ROBO1: variants seen among roughly 807,000 people sequenced by gnomAD.
The protein encoded by ROBO1 is roundabout homolog 1.
In ROBO1, 149 loss-of-function variants were observed where a neutral mutation model predicts 195.9. That is an observed-to-expected ratio of 0.76 (90% confidence interval 0.67 to 0.87). ROBO1 has a LOEUF of 0.87. Among genes scored for constraint, ROBO1 ranks in the 40% least tolerant of loss-of-function variants. The pLI is 0.00. For missense variants in ROBO1, 1,933 were observed against 2,068.3 expected (o/e 0.93, Z 1.27); for synonymous variants, 816 against 733.2 (o/e 1.11, Z -1.82).
At chr3:78,734,708 G>A (rs1463712654) in intron 5 of ROBO1, among the ~76,000 whole-genome samples, 9 of 151,872 alleles carry the variant, frequency 5.9e-5, no homozygotes, top group Admixed American at 5.9e-4. Context: ...ATGTCAACAT[G>A]GCATGATATC....
chr3:78,945,652 G>A (rs982621494), intron 3 of ROBO1, among the ~76,000 whole-genome samples: 2 of 152,116 alleles, frequency 1.3e-5, no homozygotes, highest in Non-Finnish European at 2.9e-5. Context: ...ACCAGCAACG[G>A]AACAAAACTG....
At chr3:79,147,082 T>C (rs1017419412) in intron 2 of ROBO1, among the ~76,000 whole-genome samples, 1 of 151,980 alleles carries the variant, frequency 6.6e-6, no homozygotes, top group Non-Finnish European at 1.5e-5. Context: ...ATAACATAAA[T>C]GTTCTGAATT....
chr3:79,483,307 A>G (rs958242454), intron 2 of ROBO1, among the ~76,000 whole-genome samples: 2 of 152,198 alleles, frequency 1.3e-5, no homozygotes, highest in Non-Finnish European at 2.9e-5. Flanking sequence ...GTGAAAGGAA[A>G]GTGTTAGAGT....
At chr3:79,579,892 G>A (rs1338239249) in intron 2 of ROBO1, among the ~76,000 whole-genome samples, 2 of 152,108 alleles carry the variant, frequency 1.3e-5, no homozygotes, top group Admixed American at 6.6e-5. Context: ...ATGGACAAGG[G>A]CAGCAGCACA....
intron 2 of ROBO1, among the ~76,000 whole-genome samples, chr3:79,428,390 T>C (rs1321832831): frequency 1.3e-5 from 2 of 152,136 alleles, no homozygotes; most frequent in African/African-American, 2.4e-5. Flanking sequence ...ATTAAAAATA[T>C]GTTGAGTGCT....
chr3:79,324,240 T>G (rs563681433), intron 2 of ROBO1, among the ~76,000 whole-genome samples: 7 of 152,264 alleles, frequency 4.6e-5, no homozygotes, highest in African/African-American at 1.4e-4. Context: ...TGTGGAGAGT[T>G]TGGTAACTGA....
intron 4 of ROBO1, among the ~76,000 whole-genome samples, chr3:78,794,141 T>C (rs182508523): frequency 4.2e-4 from 64 of 152,300 alleles, no homozygotes; most frequent in Admixed American, 7.8e-4. Flanking sequence ...GCTAAGAGCA[T>C]GGATTTTGAA....
intron 2 of ROBO1, among the ~76,000 whole-genome samples, chr3:79,412,249 C>A (rs1333422803): frequency 2.0e-5 from 3 of 152,122 alleles, no homozygotes; most frequent in African/African-American, 7.2e-5. Flanking sequence ...TAATAGCTTC[C>A]TTGGTACATA....
chr3:79,368,579 T>C (rs1232318554), intron 2 of ROBO1, among the ~76,000 whole-genome samples: 3 of 152,030 alleles, frequency 2.0e-5, no homozygotes, highest in African/African-American at 7.2e-5. Flanking sequence ...GGTGTGAGGC[T>C]ATTATGCCTG....
intron 16 of ROBO1, 111 bp from the exon 17 acceptor site, chr3:78,659,918 CTT>C (rs76880412): frequency 2.5e-3 from 998 of 404,004 alleles, no homozygotes; most frequent in East Asian, 3.7e-3. Flanking sequence ...TCAATATATG[CTT>C]TTTTTTTTTT....
At chr3:79,687,248 T>C (rs1212267683) in intron 1 of ROBO1, among the ~76,000 whole-genome samples, 2 of 147,174 alleles carry the variant, frequency 1.4e-5, no homozygotes, top group Non-Finnish European at 3.0e-5. Context: ...ATGTTAGACC[T>C]AAAACCATAA....
intron 28 of ROBO1, among the ~76,000 whole-genome samples, chr3:78,611,478 G>A (rs1481193766): frequency 6.6e-6 from 1 of 152,142 alleles, no homozygotes; most frequent in Non-Finnish European, 1.5e-5. Flanking sequence ...CTTTATCTGG[G>A]TTCAACTTGT....
At chr3:78,697,874 A>C (rs1010164350) in intron 8 of ROBO1, among the ~76,000 whole-genome samples, 8 of 152,176 alleles carry the variant, frequency 5.3e-5, no homozygotes, top group Non-Finnish European at 1.0e-4. Context: ...TGTAAAGCGA[A>C]TGCATCTACA....
intron 3 of ROBO1, among the ~76,000 whole-genome samples, chr3:79,103,785 G>C (rs9869076): frequency 6.6e-6 from 1 of 151,494 alleles, no homozygotes; most frequent in East Asian, 1.9e-4. Flanking sequence ...AAAAATTACA[G>C]TTAGTAAATA....
intron 3 of ROBO1, among the ~76,000 whole-genome samples, chr3:79,084,354 C>T (rs576903299): frequency 6.3e-4 from 96 of 152,106 alleles, no homozygotes; most frequent in African/African-American, 2.2e-3. Flanking sequence ...CAAAATTAGC[C>T]GGGCTTGGTG....
At chr3:78,945,857 A>T (rs973471044) in intron 3 of ROBO1, among the ~76,000 whole-genome samples, 1 of 152,188 alleles carries the variant, frequency 6.6e-6, no homozygotes, top group Non-Finnish European at 1.5e-5. Context: ...AAGGCACGAG[A>T]GCTACGTGAC....
At chr3:78,926,421 T>G (rs2107623570) in intron 4 of ROBO1, among the ~76,000 whole-genome samples, 1 of 152,264 alleles carries the variant, frequency 6.6e-6, no homozygotes, top group East Asian at 1.9e-4. Flanking sequence ...ATACTGAAGC[T>G]GTTCAGGAGA....
chr3:79,449,405 C>T (rs989975362), intron 2 of ROBO1, among the ~76,000 whole-genome samples: 12 of 151,576 alleles, frequency 7.9e-5, no homozygotes, highest in East Asian at 1.9e-4. Flanking sequence ...ATTCATTTCA[C>T]TAGGGGAAAA....
At chr3:79,065,135 T>TA (rs1035488484) in intron 3 of ROBO1, among the ~76,000 whole-genome samples, 2 of 151,890 alleles carry the variant, frequency 1.3e-5, no homozygotes, top group African/African-American at 4.8e-5. Flanking sequence ...TTACATGAGT[T>TA]AAAAACCCAT....
Sources: gnomAD v4.1 joint callset for allele counts (sites outside exome capture counted in the v4.1 genomes callset) on GRCh38, gnomAD v4.1.1 for gene constraint, MANE v1.5 for transcripts, NCBI Gene and HGNC (gene_info 2026-07-23, HGNC 2026-07-21) for gene names.